Variants in ATRN observed in about 807,000 individuals in gnomAD.
The protein encoded by ATRN is attractin-2.
ATRN carries 54 observed loss-of-function variants against 178.7 expected under a neutral mutation model. The ratio of observed to expected loss-of-function variants is 0.30; its 90% CI spans 0.24 to 0.38. The LOEUF is 0.38. Among genes scored for constraint, ATRN ranks in the 10% least tolerant of loss-of-function variants. The probability of loss-of-function intolerance (pLI) is 1.00; values close to 1 mark genes in which losing one functional copy is unlikely to be tolerated. For missense variants in ATRN, 1,443 were observed against 1,815.1 expected (o/e 0.79, Z 3.73); for synonymous variants, 636 against 663.0 (o/e 0.96, Z 0.63).
chr20:3,507,257 A>C, intron 1 of ATRN, among the ~76,000 whole-genome samples: 1 of 151,758 alleles, frequency 6.6e-6, no homozygotes, highest in Non-Finnish European at 1.5e-5. Context: ...AATACAAAAA[A>C]AATTTAGCCG....
intron 1 of ATRN, among the ~76,000 whole-genome samples, chr20:3,510,564 T>A: frequency 6.6e-6 from 1 of 152,240 alleles, no homozygotes; most frequent in Admixed American, 6.5e-5. Context: ...GATTAATACA[T>A]TCCCCCTCTT....
At chr20:3,594,409 T>C (rs1302039607) in intron 19 of ATRN, 70 bp from the exon 20 acceptor site, 9 of 1,335,854 alleles carry the variant, frequency 6.7e-6, no homozygotes, top group East Asian at 2.4e-5. Context: ...TTGCTTGTTT[T>C]GGAAAAAGTC....
intron 6 of ATRN, among the ~76,000 whole-genome samples, chr20:3,557,895 AAAT>A (rs2146216297): frequency 6.6e-6 from 1 of 152,378 alleles, no homozygotes; most frequent in Admixed American, 6.5e-5. Context: ...AAAATATGTA[AAAT>A]AATAGTTATG....
intron 13 of ATRN, 56 bp downstream of exon 13, chr20:3,576,004 C>T (rs2146248015): frequency 6.3e-7 from 1 of 1,584,992 alleles, no homozygotes; most frequent in Non-Finnish European, 8.6e-7. Flanking sequence ...ATAGGTTTAG[C>T]TTTTATAGTG....
rs1391961814 is a variant in ATRN, at chr20:3,632,541, G to A, written c.3864-1770G>A. ...CCTTTTTCCAGATGCACTTTTGCAG[G>A]CGTCCATGAGCCACCTCCCATACCT... On this transcript the variant is annotated intron_variant, in intron 25 of 28. Transcript: ENST00000262919. This position sits in a 1 kb window ranked among gnomAD's most constrained non-coding sequence, Gnocchi z 4.2. Among the ~76,000 whole-genome samples, 3 of 152,096 alleles carry A rather than the reference G, an allele frequency of 2.0e-5. No homozygotes were observed. The highest frequency in any genetic ancestry group is 7.2e-5 in the African/African-American group (3 of 41,410).
At chr20:3,527,045 A>G (rs1274495598) in intron 1 of ATRN, among the ~76,000 whole-genome samples, 1 of 152,228 alleles carries the variant, frequency 6.6e-6, no homozygotes, top group Non-Finnish European at 1.5e-5. Flanking sequence ...CTAAAACACC[A>G]AAGGCAAAGG....
At chr20:3,485,843 A>G (rs974983973) in intron 1 of ATRN, among the ~76,000 whole-genome samples, 1 of 151,632 alleles carries the variant, frequency 6.6e-6, no homozygotes, top group Non-Finnish European at 1.5e-5. Flanking sequence ...GCTGGTCTCA[A>G]ACTCCTGACC....
In ATRN at chr20:3,604,146, A is replaced by G; in HGVS notation, c.3685A>G (p.Thr1229Ala). The G allele has an allele frequency of 6.2e-7, 1 of 1,602,492 alleles. No homozygotes were observed. Among genetic ancestry groups the G allele is most frequent in the Non-Finnish European group, 8.5e-7 (1 of 1,177,074 alleles). The change falls in exon 24 of 29, where the codon ACC becomes GCC. Residue 1229 changes from threonine (T) to alanine (A), a missense_variant. Coordinates refer to ENST00000262919, the MANE Select transcript of ATRN (RefSeq NM_139321.3). ...AGAAGAGATGCCTGTTGTTTCAAAA[A>G]CCAACATTAAGGAGTACAAAGATAG... ...AGEEMPVVSK[T>A]NIKEYKDSFS...
chr20:3,635,859 A>G (rs2146323488), intron 26 of ATRN, among the ~76,000 whole-genome samples: 1 of 152,332 alleles, frequency 6.6e-6, no homozygotes, highest in African/African-American at 2.4e-5. Flanking sequence ...GGTTTTTTAG[A>G]TAACTGTATT....
At chr20:3,512,107 A>ATATATATATATATATATATTTTTTTT in intron 1 of ATRN, among the ~76,000 whole-genome samples, 6 of 106,376 alleles carry the variant, frequency 5.6e-5, no homozygotes, top group African/African-American at 2.7e-4. Flanking sequence ...ATATATATAT[A>ATATATATATATATATATATTTTTTTT]TTTTTTTTTT....
intron 11 of ATRN, among the ~76,000 whole-genome samples, chr20:3,571,237 C>T (rs139509911): frequency 7.2e-5 from 11 of 152,256 alleles, no homozygotes; most frequent in African/African-American, 1.9e-4. Flanking sequence ...ATTATTGGAA[C>T]GCTAAGCTTG....
chr20:3,567,070 A>G (rs1476460260), intron 11 of ATRN, among the ~76,000 whole-genome samples: 1 of 152,192 alleles, frequency 6.6e-6, no homozygotes, highest in East Asian at 1.9e-4. Flanking sequence ...CTATGAGAAC[A>G]TTTGACAGCT....
rs187377611 is a variant in ATRN at position 3,555,040 on chromosome 20, G to C, written c.1113-4353G>C. On this transcript the variant is annotated intron_variant, in intron 6 of 28. Transcript: ENST00000262919. ...TTTTTTGAGACGGAGTCTCGCTGTC[G>C]CCCAGGCTGGAGTGCAGTGGCGTGA... is the stretch of plus-strand genomic sequence containing the variant. 8.7e-3 allele frequency among the ~76,000 whole-genome samples: 947 copies of C among 109,416 alleles called. 11 individuals carry two copies. Among genetic ancestry groups the C allele is most frequent in the African/African-American group, 0.032 (885 of 28,010 alleles). The allele number at this position is 109,416 out of a possible 152,430, so 71.8% of individuals were successfully genotyped here.
intron 25 of ATRN, among the ~76,000 whole-genome samples, chr20:3,627,605 A>G (rs1177584933): frequency 1.3e-5 from 2 of 152,206 alleles, no homozygotes; most frequent in African/African-American, 2.4e-5. Context: ...TATATGGTAT[A>G]TGTAGCCAAT....
intron 1 of ATRN, among the ~76,000 whole-genome samples, chr20:3,500,834 AATG>A (rs1203255033): frequency 3.9e-5 from 6 of 152,112 alleles, no homozygotes; most frequent in African/African-American, 1.4e-4. Flanking sequence ...CTTAAAGTAT[AATG>A]ATAATAAATT....
chr20:3,634,264 T>A (rs2087009719), intron 25 of ATRN, 47 bp from the exon 26 acceptor site: 10 of 1,577,734 alleles, frequency 6.3e-6, no homozygotes, highest in Non-Finnish European at 8.7e-6. Context: ...CGGTGGGAGC[T>A]GATTCTGGGG....
intron 1 of ATRN, among the ~76,000 whole-genome samples, chr20:3,509,100 C>T (rs1205314451): frequency 6.6e-6 from 1 of 151,888 alleles, no homozygotes; most frequent in Non-Finnish European, 1.5e-5. Context: ...AGTAAGTAGG[C>T]AGATAGAAAA....
In ATRN at chr20:3,489,790, A is replaced by G. The variant is rs898773035; in HGVS notation, c.410+18273A>G. 4 of 1,302,852 alleles carry G rather than the reference A, an allele frequency of 3.1e-6. No individual in the cohort carries two copies. The African/African-American group carries it at 5.8e-5, about 19-fold the overall frequency. 80.7% of individuals were successfully genotyped at this position (1,302,852 alleles called of 1,614,324 possible). A position where few individuals can be genotyped will look rare whatever the true frequency, so the allele number is the denominator to read the frequency against. ...CACTGGAAGGCTTTGCGCCCTTGGT[A>G]GGTGTAGTTTCCACAAATCTCACAG... is the stretch of plus-strand genomic sequence containing the variant. On this transcript the variant is annotated intron_variant, in intron 1 of 28. Coordinates refer to ENST00000262919, the MANE Select transcript of ATRN (RefSeq NM_139321.3).
chr20:3,601,057 G>A, intron 23 of ATRN, 33 bp downstream of exon 23: 10 of 1,550,280 alleles, frequency 6.5e-6, no homozygotes, highest in Non-Finnish European at 8.9e-6. Context: ...CCCCGCAAAT[G>A]AAGGTGTGGT....
Sources: gnomAD v4.1 joint callset for allele counts (sites outside exome capture counted in the v4.1 genomes callset) on GRCh38, gnomAD v4.1.1 for gene constraint, Gnocchi (gnomAD v3.1) non-coding constraint, MANE v1.5 for transcripts, NCBI Gene and HGNC (gene_info 2026-07-23, HGNC 2026-07-21) for gene names.